Variants in DOCK3 observed in about 807,000 individuals in gnomAD.
DOCK3 encodes the protein dedicator of cytokinesis 3.
In DOCK3, 60 loss-of-function variants were observed where a neutral mutation model predicts 265.6. That is an observed-to-expected ratio of 0.23 (90% CI 0.18 to 0.28). The LOEUF is 0.28. Ranked by LOEUF, DOCK3 falls within the 10% of genes least tolerant of loss-of-function variation. The probability of loss-of-function intolerance (pLI) is 1.00; values close to 1 mark genes in which losing one functional copy is unlikely to be tolerated. For missense variants in DOCK3, 1,981 were observed against 2,594.3 expected (o/e 0.76, Z 5.14); for synonymous variants, 881 against 938.0 (o/e 0.94, Z 1.11).
intron 5 of DOCK3, among the ~76,000 whole-genome samples, chr3:50,984,718 T>C (rs928908910): frequency 2.6e-5 from 4 of 152,202 alleles, no homozygotes; most frequent in Admixed American, 2.6e-4. Context: ...TCTATATGTA[T>C]AGTTGGCCTC....
intron 2 of DOCK3, among the ~76,000 whole-genome samples, chr3:50,836,456 T>C (rs909617633): frequency 2.0e-5 from 3 of 152,250 alleles, no homozygotes; most frequent in African/African-American, 7.2e-5. Context: ...CAGCCTGAGC[T>C]GTACCTTTCA....
intron 2 of DOCK3, among the ~76,000 whole-genome samples, chr3:50,783,143 T>C (rs2042011625): frequency 6.6e-6 from 1 of 152,160 alleles, no homozygotes; most frequent in Non-Finnish European, 1.5e-5. Flanking sequence ...AACATGCGTG[T>C]GCATGCGTCT....
chr3:50,814,041 G>C (rs1205945617), intron 2 of DOCK3, among the ~76,000 whole-genome samples: 3 of 151,982 alleles, frequency 2.0e-5, no homozygotes, highest in South Asian at 2.1e-4. Context: ...GTGGGTACCT[G>C]GCCTTATTAT....
chr3:51,061,782 TC>T (rs2081420092), intron 5 of DOCK3, among the ~76,000 whole-genome samples: 1 of 152,158 alleles, frequency 6.6e-6, no homozygotes, highest in Non-Finnish European at 1.5e-5. Context: ...CTCCTGCTTT[TC>T]CTCTCACCTC....
chr3:50,701,067 C>T (rs558384282), intron 1 of DOCK3, among the ~76,000 whole-genome samples: 2 of 151,584 alleles, frequency 1.3e-5, no homozygotes, highest in East Asian at 3.9e-4. Flanking sequence ...TTTTCATACG[C>T]CAACTGGCCA....
rs183705005 is a variant in DOCK3 at position 50,734,753 on chromosome 3, C to T, written c.38-43922C>T. On this transcript the variant is annotated intron_variant, in intron 1 of 52. Transcript: ENST00000266037. Reference sequence around the variant, plus strand: ...AAGTAGCTGGGACTACAGGTGCCCGCCACCATGTCTGGCTAATTTTTTTGT... The same window carrying T: ...AAGTAGCTGGGACTACAGGTGCCCGTCACCATGTCTGGCTAATTTTTTTGT... 4.6e-3 allele frequency among the ~76,000 whole-genome samples: 702 copies of T among 152,012 alleles called. 3 individuals are homozygous for T. The highest frequency in any genetic ancestry group is 7.9e-3 in the Non-Finnish European group (536 of 67,974).
chr3:50,862,583 C>T (rs2046967108), intron 3 of DOCK3, among the ~76,000 whole-genome samples: 2 of 152,176 alleles, frequency 1.3e-5, no homozygotes, highest in African/African-American at 2.4e-5. Flanking sequence ...CAGTCTGCTT[C>T]CCTATCATGA....
rs181410039 is a variant in DOCK3, at chr3:50,871,601, T to G, written c.163-18425T>G. On this transcript the variant is annotated intron_variant, in intron 3 of 52. Coordinates refer to ENST00000266037, the MANE Select transcript of DOCK3 (RefSeq NM_004947.5). ...GGTTCTCTGTTATTATTTCTTTTAG[T>G]GAAGTTCTGAACCCTATTTCTTTCT... Among the ~76,000 whole-genome samples, 188 of 152,318 alleles carry G rather than the reference T, an allele frequency of 1.2e-3. 1 individual carries two copies. Among genetic ancestry groups the G allele is most frequent in the African/African-American group, 4.3e-3 (179 of 41,574 alleles).
chr3:51,270,727 C>G, intron 23 of DOCK3, 88 bp from the exon 24 acceptor site: 2 of 1,379,784 alleles, frequency 1.4e-6, no homozygotes, highest in Non-Finnish European at 2.0e-6. Flanking sequence ...CCTTCTCAGC[C>G]TCTCACCACC....
chr3:50,937,874 A>C (rs2051472527), intron 5 of DOCK3, among the ~76,000 whole-genome samples: 1 of 152,126 alleles, frequency 6.6e-6, no homozygotes, highest in African/African-American at 2.4e-5. Flanking sequence ...CACAAAAGTA[A>C]ATACCAAAAT....
At chr3:50,737,545 A>G (rs565344973) in intron 1 of DOCK3, among the ~76,000 whole-genome samples, 1 of 152,350 alleles carries the variant, frequency 6.6e-6, no homozygotes, top group South Asian at 2.1e-4. Flanking sequence ...TCACCCATAT[A>G]TATGAATATG....
At chr3:50,698,309 A>G (rs1338256625) in intron 1 of DOCK3, among the ~76,000 whole-genome samples, 1 of 152,058 alleles carries the variant, frequency 6.6e-6, no homozygotes, top group African/African-American at 2.4e-5. Flanking sequence ...TTCACTGAGT[A>G]TGTTTTTAAG....
At chr3:50,797,977 A>G (rs1294207055) in intron 2 of DOCK3, among the ~76,000 whole-genome samples, 2 of 152,254 alleles carry the variant, frequency 1.3e-5, no homozygotes, top group Non-Finnish European at 2.9e-5. Context: ...GGCAAAGAAT[A>G]CAAAAAACTG....
intron 9 of DOCK3, among the ~76,000 whole-genome samples, chr3:51,105,204 G>T (rs1300514963): frequency 2.0e-5 from 3 of 152,140 alleles, no homozygotes; most frequent in African/African-American, 7.2e-5. Context: ...AGGGTCTTGG[G>T]CCTTATGTAT....
At chr3:50,924,482 CAT>C (rs2050661844) in intron 4 of DOCK3, among the ~76,000 whole-genome samples, 1 of 152,186 alleles carries the variant, frequency 6.6e-6, no homozygotes, top group African/African-American at 2.4e-5. Flanking sequence ...GTTCCTTGCT[CAT>C]ATTCCAGTTT....
Position 51,246,774 on chromosome 3 carries a change from G to A in DOCK3, c.2151G>A (p.Leu717=), listed in dbSNP as rs1284434236. 3 of 1,613,398 alleles carry A rather than the reference G, an allele frequency of 1.9e-6. No individual in the cohort carries two copies. Among genetic ancestry groups the A allele is most frequent in the African/African-American group, 2.7e-5 (2 of 74,922 alleles). ...LKWYMDCSAE[L]IRQDHIQEAM... is the part of the protein sequence containing the mutation. ...GGTATATGGACTGCTCAGCAGAACTGATTCGACAGGACCACATTCAAGAAG... is the reference window on the plus strand; with the variant it reads ...GGTATATGGACTGCTCAGCAGAACTAATTCGACAGGACCACATTCAAGAAG... Residue 717 remains leucine (L), a synonymous_variant, in exon 22 of 53, where the codon CTG becomes CTA. Coordinates refer to ENST00000266037, the MANE Select transcript of DOCK3 (RefSeq NM_004947.5).
At chr3:51,356,562 T>C in intron 43 of DOCK3, 69 bp downstream of exon 43, 1 of 1,502,766 alleles carries the variant, frequency 6.7e-7, no homozygotes. Flanking sequence ...GGGGCCCTTC[T>C]CTAAGGACTA....
At chr3:50,909,647 T>TG (rs1370182108) in intron 4 of DOCK3, among the ~76,000 whole-genome samples, 10 of 150,456 alleles carry the variant, frequency 6.6e-5, no homozygotes, top group African/African-American at 2.5e-4. Flanking sequence ...TAACGTTTTT[T>TG]TTTTTTTTTT....
intron 48 of DOCK3, 100 bp downstream of exon 48, chr3:51,362,097 T>G: frequency 7.0e-7 from 1 of 1,421,528 alleles, no homozygotes; most frequent in Non-Finnish European, 9.4e-7. Flanking sequence ...CCCTGCCTAA[T>G]TCTCTAGCTC....
Sources: allele counts gnomAD v4.1 joint callset (sites outside exome capture counted in the v4.1 genomes callset), GRCh38; gene constraint gnomAD v4.1.1; transcripts MANE v1.5; gene names NCBI Gene and HGNC (gene_info 2026-07-23, HGNC 2026-07-21).